The following CEP120 variants were observed in gnomAD, a reference collection of about 807,000 sequenced individuals.
CEP120 encodes the protein centrosomal protein of 120 kDa.
In CEP120, 113 loss-of-function variants were observed where a neutral mutation model predicts 126.5. The observed-to-expected ratio is 0.89, with a 90% CI of 0.77 to 1.04. The LOEUF (loss-of-function observed/expected upper bound fraction) is 1.04, where lower values mean the gene tolerates loss of function less well. Among genes scored for constraint, CEP120 ranks in the 50% least tolerant of loss-of-function variants. The probability of loss-of-function intolerance (pLI) is 0.00; values close to 1 mark genes in which losing one functional copy is unlikely to be tolerated. For missense variants in CEP120, 1,230 were observed against 1,155.7 expected, an observed-to-expected ratio of 1.06 and a Z score of -0.93; for synonymous variants, 400 against 394.3, an observed-to-expected ratio of 1.01 and a Z score of -0.17.
At chr5:123,360,556 CT>C (rs952293051) in intron 18 of CEP120, among the ~76,000 whole-genome samples, 2 of 149,490 alleles carry the variant, frequency 1.3e-5, no homozygotes, top group South Asian at 2.2e-4. Flanking sequence ...TAATTTAAAA[CT>C]TTTTTTTTCC....
intron 9 of CEP120, 41 bp downstream of exon 9, chr5:123,388,391 C>A: frequency 7.4e-7 from 1 of 1,358,620 alleles, no homozygotes; most frequent in Non-Finnish European, 9.8e-7. Flanking sequence ...AAAGTCCTTT[C>A]TCTTCAGAAA....
At chr5:123,366,690 G>GT (rs1770483466) in intron 17 of CEP120, among the ~76,000 whole-genome samples, 1 of 151,684 alleles carries the variant, frequency 6.6e-6, no homozygotes, top group African/African-American at 2.4e-5. Flanking sequence ...TGACTATGAG[G>GT]TTCTTTTGTC....
intron 11 of CEP120, among the ~76,000 whole-genome samples, chr5:123,384,173 A>T (rs1328648238): frequency 6.6e-6 from 1 of 152,142 alleles, no homozygotes; most frequent in East Asian, 1.9e-4. Flanking sequence ...CGACAAAAAA[A>T]TGCTAATTTT....
intron 19 of CEP120, among the ~76,000 whole-genome samples, chr5:123,349,428 A>G (rs1769050529): frequency 6.6e-6 from 1 of 152,200 alleles, no homozygotes; most frequent in South Asian, 2.1e-4. Context: ...AGCTATTGTT[A>G]CAGATATTAA....
At chr5:123,421,056 G>A (rs1011095890) in intron 1 of CEP120, among the ~76,000 whole-genome samples, 1 of 152,176 alleles carries the variant, frequency 6.6e-6, no homozygotes, top group Non-Finnish European at 1.5e-5. Flanking sequence ...CTTGACTCCA[G>A]GTTCTCTTCC....
rs1478941973 is a variant in CEP120 at position 123,382,115 on chromosome 5, T to C, written c.2099A>G (p.Lys700Arg). The C allele has an allele frequency of 1.9e-6, 3 of 1,593,504 alleles. No individual in the cohort carries two copies. The highest frequency in any genetic ancestry group is 2.7e-5 in the African/African-American group (2 of 74,358). Residue 700 changes from lysine to arginine, a missense_variant, in exon 14 of 20, where the codon AAA becomes AGA. Lys to Arg is a conservative substitution (Grantham distance 26, BLOSUM62 2). Transcript: ENST00000306467. ...RDRERESLVK[K>R]KVAEYTILEG... is the part of the protein sequence containing the mutation. Reference sequence around the variant, plus strand: ...CACTTTTACACAAGTTATTACCTTTTTCTTTACTAGTGATTCTCTTTCTCG... The same window carrying C: ...CACTTTTACACAAGTTATTACCTTTCTCTTTACTAGTGATTCTCTTTCTCG...
intron 16 of CEP120, among the ~76,000 whole-genome samples, chr5:123,374,514 A>C (rs1338163756): frequency 6.6e-6 from 1 of 152,110 alleles, no homozygotes; most frequent in Non-Finnish European, 1.5e-5. Flanking sequence ...ATTGCTAAAG[A>C]TGTTTTCCAA....
chr5:123,356,092 A>G (rs1769595514), intron 18 of CEP120, among the ~76,000 whole-genome samples: 1 of 152,100 alleles, frequency 6.6e-6, no homozygotes, highest in Admixed American at 6.6e-5. Flanking sequence ...AGTTGTAGAT[A>G]TGCGGCATTA....
At chr5:123,400,903 G>C in intron 4 of CEP120, 4 of 1,432,858 alleles carry the variant, frequency 2.8e-6, no homozygotes, top group Non-Finnish European at 2.9e-6. Flanking sequence ...AGGCTGGGAG[G>C]GGCTGCCACA....
intron 5 of CEP120, 82 bp downstream of exon 5, chr5:123,399,054 G>T: frequency 2.8e-6 from 3 of 1,079,158 alleles, no homozygotes; most frequent in Non-Finnish European, 3.7e-6. Context: ...CTACTTGCAA[G>T]TCTTTTTAAT....
intron 2 of CEP120, among the ~76,000 whole-genome samples, chr5:123,417,193 G>A (rs899420165): frequency 1.3e-5 from 2 of 152,166 alleles, no homozygotes; most frequent in Non-Finnish European, 2.9e-5. Context: ...AGACACCACT[G>A]AAAGGAAATC....
chr5:123,355,632 TG>T (rs1213588680), intron 18 of CEP120, among the ~76,000 whole-genome samples: 2 of 152,126 alleles, frequency 1.3e-5, no homozygotes, highest in African/African-American at 2.4e-5. Flanking sequence ...TTGATGGGGT[TG>T]TTTTTTTCTT....
intron 4 of CEP120, among the ~76,000 whole-genome samples, chr5:123,402,809 A>G (rs547057306): frequency 5.9e-5 from 9 of 152,354 alleles, no homozygotes; most frequent in Admixed American, 3.9e-4. Context: ...TTAATGGCCA[A>G]TGTGATGGTA....
chr5:123,349,863 C>T (rs893719847), intron 19 of CEP120, 81 bp downstream of exon 19: 30 of 1,127,344 alleles, frequency 2.7e-5, no homozygotes, highest in African/African-American at 3.1e-5. Flanking sequence ...ATATGATCTA[C>T]TTTATCCTTG....
chr5:123,401,525 C>A, intron 4 of CEP120: 1 of 1,284,096 alleles, frequency 7.8e-7, no homozygotes, highest in Non-Finnish European at 1.1e-6. Flanking sequence ...GGCCTGGCTG[C>A]GGTTGGCGAT....
chr5:123,347,723 G>A (rs1045016036), intron 19 of CEP120, among the ~76,000 whole-genome samples: 2 of 152,114 alleles, frequency 1.3e-5, no homozygotes, highest in African/African-American at 2.4e-5. Flanking sequence ...ACAACTCACT[G>A]CAGCCTCGAC....
intron 18 of CEP120, among the ~76,000 whole-genome samples, chr5:123,361,625 A>G (rs1238624573): frequency 6.6e-6 from 1 of 151,796 alleles, no homozygotes; most frequent in Non-Finnish European, 1.5e-5. Context: ...CTGCATAACA[A>G]TATCCCCCAA....
At chr5:123,407,219 GAAAC>G (rs1315131807) in intron 4 of CEP120, among the ~76,000 whole-genome samples, 3 of 151,456 alleles carry the variant, frequency 2.0e-5, no homozygotes, top group African/African-American at 7.3e-5. Context: ...AGAAACAAGA[GAAAC>G]AAATATAAAA....
rs140232423 is a variant in CEP120, at chr5:123,382,814, G to A, written c.1936C>T (p.Arg646Cys). 17 of 1,613,216 alleles carry A rather than the reference G, an allele frequency of 1.1e-5. 1 individual carries two copies. The African/African-American group carries it at 1.9e-4, about 18-fold the overall frequency. ...GCTGCTTTGTATTCTAACGTTTCAC[G>A]AGGCTCTGTCTGGATCTCTGAAGGA... ...PCPSEIQTEP[R>C]ETLEYKAALE... Residue 646 changes from arginine (R) to cysteine (C), a missense_variant, in exon 13 of 20, where the codon CGT becomes TGT. Physicochemically the swap from Arg to Cys is radical, Grantham distance 180. Coordinates refer to ENST00000306467, the MANE Select transcript of CEP120 (RefSeq NM_001375405.1).
Sources: gnomAD v4.1 joint callset for allele counts (sites outside exome capture counted in the v4.1 genomes callset) on GRCh38, gnomAD v4.1.1 for gene constraint, MANE v1.5 for transcripts, NCBI Gene and HGNC (gene_info 2026-07-23, HGNC 2026-07-21) for gene names.